DIS3L2: variants seen among roughly 807,000 people sequenced by gnomAD.
DIS3L2 encodes DIS3 like 3'-5' exoribonuclease 2, also known as DIS3-like exonuclease 2.
Under a neutral mutation model 97.5 loss-of-function variants are expected in DIS3L2, and 34 were observed. The observed-to-expected ratio is 0.35, with a 90% CI of 0.27 to 0.46. DIS3L2 has a LOEUF of 0.46. Ranked by LOEUF, DIS3L2 falls within the 20% of genes least tolerant of loss-of-function variation. The pLI, the probability that DIS3L2 is intolerant of heterozygous loss-of-function variation, is 1.00. For missense variants in DIS3L2, 1,038 were observed against 1,146.0 expected (o/e 0.91, Z 1.36); for synonymous variants, 435 against 445.2 (o/e 0.98, Z 0.29).
chr2:232,294,870 C>T (rs1160182851), intron 13 of DIS3L2, among the ~76,000 whole-genome samples: 3 of 152,142 alleles, frequency 2.0e-5, no homozygotes, highest in Non-Finnish European at 2.9e-5. Flanking sequence ...GGACAGAGGA[C>T]GTGCTTAATA....
chr2:232,039,098 A>G (rs564152428), intron 5 of DIS3L2, among the ~76,000 whole-genome samples: 14 of 152,180 alleles, frequency 9.2e-5, no homozygotes, highest in East Asian at 3.9e-4. Context: ...CTGCCTGACA[A>G]TTGCTTTTTG....
At chr2:232,308,461 C>A (rs1246557355) in intron 14 of DIS3L2, among the ~76,000 whole-genome samples, 1 of 152,188 alleles carries the variant, frequency 6.6e-6, no homozygotes, top group Non-Finnish European at 1.5e-5. Context: ...AAGAGAAAAT[C>A]TTCCATTTTT....
chr2:232,156,883 A>G (rs1025277459), intron 8 of DIS3L2, among the ~76,000 whole-genome samples: 2 of 152,176 alleles, frequency 1.3e-5, no homozygotes, highest in African/African-American at 2.4e-5. Context: ...TATGTATGCT[A>G]TCTAATTAAT....
intron 8 of DIS3L2, among the ~76,000 whole-genome samples, chr2:232,149,236 G>T: frequency 7.0e-6 from 1 of 143,438 alleles, no homozygotes; most frequent in Non-Finnish European, 1.5e-5. Flanking sequence ...TAGGGTACAT[G>T]TGCACATTGT....
intron 1 of DIS3L2, among the ~76,000 whole-genome samples, chr2:231,965,982 C>T (rs893111105): frequency 9.9e-5 from 15 of 152,124 alleles, no homozygotes; most frequent in African/African-American, 3.6e-4. Context: ...CCATGCCCAG[C>T]CTGTCCTTTT....
intron 6 of DIS3L2, among the ~76,000 whole-genome samples, chr2:232,105,057 G>A (rs1697321220): frequency 6.6e-6 from 1 of 152,082 alleles, no homozygotes; most frequent in African/African-American, 2.4e-5. Flanking sequence ...AGATCAAGTG[G>A]TCCGCCTGCC....
At chr2:232,058,052 G>A (rs1372050033) in intron 5 of DIS3L2, among the ~76,000 whole-genome samples, 1 of 152,056 alleles carries the variant, frequency 6.6e-6, no homozygotes, top group Non-Finnish European at 1.5e-5. Context: ...TGTTGTAATT[G>A]CAATGGTTAG....
At chr2:232,071,633 G>T (rs1479824093) in intron 5 of DIS3L2, among the ~76,000 whole-genome samples, 1 of 152,156 alleles carries the variant, frequency 6.6e-6, no homozygotes, top group Non-Finnish European at 1.5e-5. Context: ...TGGCAGATAA[G>T]ATTAAAATAA....
At chr2:232,098,272 G>A (rs1026953947) in intron 6 of DIS3L2, among the ~76,000 whole-genome samples, 30 of 152,002 alleles carry the variant, frequency 2.0e-4, no homozygotes, top group African/African-American at 7.2e-4. Context: ...CAGAATGATT[G>A]TAGTGTACAC....
intron 1 of DIS3L2, among the ~76,000 whole-genome samples, chr2:231,994,351 T>C (rs1248738577): frequency 1.3e-5 from 2 of 152,196 alleles, no homozygotes; most frequent in African/African-American, 4.8e-5. Context: ...TTCATTATTT[T>C]AGTTATTCTA....
intron 11 of DIS3L2, among the ~76,000 whole-genome samples, chr2:232,239,546 T>G (rs1159736104): frequency 2.0e-5 from 3 of 152,226 alleles, no homozygotes; most frequent in Non-Finnish European, 4.4e-5. Context: ...TCTAGCTTTT[T>G]AAAATTTGGC....
chr2:232,271,069 C>G (rs755833414), intron 13 of DIS3L2, among the ~76,000 whole-genome samples: 3 of 152,154 alleles, frequency 2.0e-5, no homozygotes, highest in African/African-American at 7.2e-5. Flanking sequence ...AGACACTTCT[C>G]GTTGTGTTAC....
chr2:231,996,351 AT>A (rs1693731020), intron 1 of DIS3L2, among the ~76,000 whole-genome samples: 1 of 152,196 alleles, frequency 6.6e-6, no homozygotes, highest in African/African-American at 2.4e-5. Context: ...TCAGCCATAG[AT>A]TGTAGGACCT....
chr2:232,207,381 CATCA>C (rs1187606201), intron 9 of DIS3L2, among the ~76,000 whole-genome samples: 5 of 152,274 alleles, frequency 3.3e-5, no homozygotes, highest in African/African-American at 9.6e-5. Context: ...TTCCTATTAC[CATCA>C]ATCTGTTCAT....
At chr2:232,148,622 A>G (rs1446401668) in intron 8 of DIS3L2, among the ~76,000 whole-genome samples, 1 of 152,148 alleles carries the variant, frequency 6.6e-6, no homozygotes, top group Non-Finnish European at 1.5e-5. Flanking sequence ...TTTATGAGCC[A>G]TGTTGTAATT....
chr2:232,330,594 C>T (rs531142500), intron 15 of DIS3L2, 96 bp from the exon 16 acceptor site: 5 of 1,329,124 alleles, frequency 3.8e-6, no homozygotes, highest in South Asian at 2.4e-5. Context: ...CTCCTCCCCC[C>T]AGAGCCGGGC....
chr2:232,225,280 C>T (rs934216191), intron 10 of DIS3L2, among the ~76,000 whole-genome samples: 6 of 152,070 alleles, frequency 3.9e-5, no homozygotes, highest in African/African-American at 9.7e-5. Context: ...TGTACAGGAA[C>T]GTTCATAGCA....
Position 232,015,680 on chromosome 2 carries a change from A to T in DIS3L2, c.210+9A>T. 1 of 1,613,082 alleles carries T rather than the reference A, an allele frequency of 6.2e-7. No individual in the cohort carries two copies. The highest frequency in any genetic ancestry group is 1.1e-5 in the South Asian group (1 of 91,028). The stretch of plus-strand genomic sequence containing the variant: ...GAGGAACACTCATCCAGGTGCTTAA[A>T]ATCTACTGGAAGGCTATTCTCTGAA... On this transcript the variant is annotated intron_variant, in intron 3 of 20. Transcript: ENST00000325385.
chr2:232,078,153 C>A (rs1191242641), intron 5 of DIS3L2, among the ~76,000 whole-genome samples: 1 of 151,746 alleles, frequency 6.6e-6, no homozygotes, highest in Admixed American at 6.6e-5. Context: ...AAGTGATTCT[C>A]CTGCCTCAGC....
Sources: gnomAD v4.1 joint callset for allele counts (sites outside exome capture counted in the v4.1 genomes callset) on GRCh38, gnomAD v4.1.1 for gene constraint, MANE v1.5 for transcripts, NCBI Gene and HGNC (gene_info 2026-07-23, HGNC 2026-07-21) for gene names.